The following HOMER1 variants were observed in gnomAD, a reference collection of about 807,000 sequenced individuals.
HOMER1 encodes the protein homer protein homolog 1.
Under a neutral mutation model 48.9 loss-of-function variants are expected in HOMER1, and 3 were observed. The observed-to-expected ratio is 0.06, with a 90% CI of 0.03 to 0.16. HOMER1 has a LOEUF of 0.16. Among genes scored for constraint, HOMER1 ranks in the 10% least tolerant of loss-of-function variants. The pLI is 1.00. For synonymous variants in HOMER1, 134 were observed against 146.4 expected (o/e 0.92, Z 0.61); for missense variants, 247 against 411.4 (o/e 0.60, Z 3.46).
rs1752483809 is a variant in HOMER1, at chr5:79,498,369, C to G, written c.5+14401G>C. ...TGAGATTGCACCATTGCACTCCAGC[C>G]TGGGCAACAAGAGTGAAACTATGTC... On this transcript the variant is annotated intron_variant, in intron 1 of 8. Transcript: ENST00000334082. Among the ~76,000 whole-genome samples the G allele has an allele frequency of 3.3e-5, 5 of 152,150 alleles. No homozygotes were observed. The South Asian group carries it at 1.0e-3, about 32-fold the overall frequency.
At chr5:79,410,789 A>C (rs1375330824) in intron 5 of HOMER1, among the ~76,000 whole-genome samples, 1 of 152,162 alleles carries the variant, frequency 6.6e-6, no homozygotes. Flanking sequence ...TTAATACCTT[A>C]GGATTAATTC....
At chr5:79,477,338 T>G (rs183161560) in intron 1 of HOMER1, among the ~76,000 whole-genome samples, 1 of 152,244 alleles carries the variant, frequency 6.6e-6, no homozygotes, top group African/African-American at 2.4e-5. Flanking sequence ...TAAATTTAAG[T>G]GTCTTTAAGC....
At chr5:79,419,403 T>A (rs536569380) in intron 5 of HOMER1, among the ~76,000 whole-genome samples, 1 of 152,160 alleles carries the variant, frequency 6.6e-6, no homozygotes, top group South Asian at 2.1e-4. Context: ...CAGAAAACCA[T>A]CCCAAATGAC....
chr5:79,399,285 G>A (rs1749473888), intron 6 of HOMER1, among the ~76,000 whole-genome samples: 1 of 152,142 alleles, frequency 6.6e-6, no homozygotes. Flanking sequence ...TGGCTGCATT[G>A]CTTGACTGAA....
intron 1 of HOMER1, among the ~76,000 whole-genome samples, chr5:79,458,292 T>C (rs1441878300): frequency 3.9e-5 from 6 of 152,070 alleles, no homozygotes. Context: ...GCTTGTTTTT[T>C]TAAGAGCCCA....
chr5:79,391,697 C>T (rs1396667799), intron 8 of HOMER1, among the ~76,000 whole-genome samples: 11 of 150,938 alleles, frequency 7.3e-5, no homozygotes, highest in South Asian at 2.1e-4. Flanking sequence ...GAGCTGAGAT[C>T]GCGCCACTGC....
intron 6 of HOMER1, 134 bp from the exon 7 acceptor site, chr5:79,397,771 C>A (rs1349094068): frequency 1.8e-5 from 9 of 499,114 alleles, no homozygotes; most frequent in Non-Finnish European, 2.8e-5. Context: ...AATATTAAGA[C>A]ACTCAAGGTA....
chr5:79,496,993 G>C (rs1374738656), intron 1 of HOMER1, among the ~76,000 whole-genome samples: 1 of 146,858 alleles, frequency 6.8e-6, no homozygotes, highest in Admixed American at 6.9e-5. Flanking sequence ...CTGAACCCAG[G>C]AGGCTTCAGT....
At chr5:79,480,339 T>G (rs59195066) in intron 1 of HOMER1, among the ~76,000 whole-genome samples, 21,713 of 152,112 alleles carry the variant, frequency 0.14, 3,997 homozygotes, top group African/African-American at 0.42. Flanking sequence ...CTCTAAGATA[T>G]AAAAGTAGAT....
chr5:79,449,386 T>C (rs1750971908), intron 3 of HOMER1, among the ~76,000 whole-genome samples: 1 of 152,254 alleles, frequency 6.6e-6, no homozygotes, highest in South Asian at 2.1e-4. Context: ...CTGAGATACT[T>C]TGAATGTAAA....
At chr5:79,438,609 TA>T (rs1422621824) in intron 5 of HOMER1, among the ~76,000 whole-genome samples, 9 of 151,288 alleles carry the variant, frequency 5.9e-5, no homozygotes, top group Admixed American at 4.6e-4. Flanking sequence ...AAAGCCTACT[TA>T]AAAAAAAATT....
At chr5:79,489,640 T>C (rs1300043935) in intron 1 of HOMER1, among the ~76,000 whole-genome samples, 1 of 152,062 alleles carries the variant, frequency 6.6e-6, no homozygotes, top group Non-Finnish European at 1.5e-5. Flanking sequence ...AAAACAAAAA[T>C]AAAACATTAA....
chr5:79,440,885 C>T (rs138040654), intron 4 of HOMER1, among the ~76,000 whole-genome samples: 150 of 152,250 alleles, frequency 9.9e-4, no homozygotes, highest in African/African-American at 3.5e-3. Flanking sequence ...AGTTACCGGC[C>T]GGGACGTGGT....
chr5:79,502,242 T>A (rs1172398536), intron 1 of HOMER1, among the ~76,000 whole-genome samples: 5 of 151,956 alleles, frequency 3.3e-5, no homozygotes, highest in Non-Finnish European at 5.9e-5. Flanking sequence ...ATGGTCTCGA[T>A]CTCCTGACCT....
intron 5 of HOMER1, among the ~76,000 whole-genome samples, chr5:79,404,864 A>T (rs1441612686): frequency 2.1e-5 from 3 of 141,490 alleles, no homozygotes; most frequent in East Asian, 2.1e-4. Context: ...ACGCCCAGCT[A>T]TTTTTTTTTT....
At chr5:79,456,544 A>G (rs1751182624) in intron 2 of HOMER1, among the ~76,000 whole-genome samples, 1 of 152,204 alleles carries the variant, frequency 6.6e-6, no homozygotes, top group South Asian at 2.1e-4. Flanking sequence ...ATTCTAGACC[A>G]TATCTATTCT....
chr5:79,451,464 G>A (rs1751025537), intron 2 of HOMER1, among the ~76,000 whole-genome samples: 1 of 149,656 alleles, frequency 6.7e-6, no homozygotes, highest in Admixed American at 6.7e-5. Context: ...ATCACTAGAA[G>A]AAGGTAGGCC....
intron 5 of HOMER1, among the ~76,000 whole-genome samples, chr5:79,408,740 G>T (rs1227794988): frequency 2.0e-5 from 3 of 152,048 alleles, no homozygotes; most frequent in Non-Finnish European, 4.4e-5. Flanking sequence ...TAAAAAAACT[G>T]ATCACAGGAA....
chr5:79,467,367 C>T (rs998129722), intron 1 of HOMER1, among the ~76,000 whole-genome samples: 20 of 123,046 alleles, frequency 1.6e-4, no homozygotes, highest in Admixed American at 1.3e-3. Context: ...TTCCAGCCTG[C>T]GCAACAAGAG....
Sources: gnomAD v4.1 joint callset for allele counts (sites outside exome capture counted in the v4.1 genomes callset) on GRCh38, gnomAD v4.1.1 for gene constraint, MANE v1.5 for transcripts, NCBI Gene and HGNC (gene_info 2026-07-23, HGNC 2026-07-21) for gene names.